Variants in SNX9 observed in about 807,000 individuals in gnomAD.
SNX9 encodes sorting nexin 9.
In SNX9, 44 loss-of-function variants were observed where a neutral mutation model predicts 89.4. The ratio of observed to expected loss-of-function variants is 0.49; its 90% CI spans 0.39 to 0.63. SNX9 has a LOEUF of 0.63. Among genes scored for constraint, SNX9 ranks in the 30% least tolerant of loss-of-function variants. SNX9 has a pLI of 0.00. For missense variants in SNX9, 578 were observed against 736.1 expected (o/e 0.79, Z 2.49); for synonymous variants, 236 against 247.8 (o/e 0.95, Z 0.45).
chr6:157,915,636 A>ATATATATAT (rs1342359338), intron 9 of SNX9, among the ~76,000 whole-genome samples: 16 of 76,578 alleles, frequency 2.1e-4, no homozygotes, highest in African/African-American at 9.1e-4. Context: ...AAAAAAAAAA[A>ATATATATAT]AAAAATATAT....
At chr6:157,846,057 T>C (rs1305043424) in intron 1 of SNX9, among the ~76,000 whole-genome samples, 2 of 152,232 alleles carry the variant, frequency 1.3e-5, no homozygotes, top group Non-Finnish European at 2.9e-5. Flanking sequence ...CGTCCTGCTG[T>C]GCAGGTGTCT....
chr6:157,941,385 C>T (rs956828592), intron 17 of SNX9, among the ~76,000 whole-genome samples: 4 of 152,128 alleles, frequency 2.6e-5, no homozygotes, highest in African/African-American at 4.8e-5. Flanking sequence ...GCAGCCTTTG[C>T]TTTTTGTGAA....
At chr6:157,865,479 C>T (rs907600207) in intron 1 of SNX9, among the ~76,000 whole-genome samples, 11 of 151,978 alleles carry the variant, frequency 7.2e-5, no homozygotes, top group African/African-American at 2.4e-4. Flanking sequence ...CTGGCCTGGG[C>T]GCCCTGCCAT....
In SNX9 at chr6:157,890,067, A is replaced by G. The variant is rs75137982; in HGVS notation, c.301-6760A>G. On this transcript the variant is annotated intron_variant, in intron 4 of 17. Coordinates refer to ENST00000392185, the MANE Select transcript of SNX9 (RefSeq NM_016224.5). ...AACCCAGATAGCAGGCTTTGAGCCTAAGTTCTTAACCACTATCCCCATGTG... is the reference window on the plus strand; with the variant it reads ...AACCCAGATAGCAGGCTTTGAGCCTGAGTTCTTAACCACTATCCCCATGTG... Among the ~76,000 whole-genome samples the G allele has an allele frequency of 1.6e-3, 247 of 152,350 alleles. 5 individuals carry two copies. In the East Asian group the frequency reaches 0.036, roughly 22 times the overall value.
intron 1 of SNX9, among the ~76,000 whole-genome samples, chr6:157,843,186 T>TAGG (rs1447794945): frequency 1.3e-5 from 2 of 152,120 alleles, no homozygotes; most frequent in African/African-American, 2.4e-5. Flanking sequence ...GGAGGATGCT[T>TAGG]AGGACAAGGG....
chr6:157,873,169 A>G lies in SNX9; in HGVS notation c.167A>G (p.Tyr56Cys). Residue 56 changes from tyrosine (Y) to cysteine (C), a missense_variant, in exon 3 of 18, where the codon TAC (tyrosine) becomes TGC (cysteine). Coordinates refer to ENST00000392185, the MANE Select transcript of SNX9 (RefSeq NM_016224.5). Reference protein sequence around the residue: ...KGERGLVPTDYVEILPSDGKD... With the variant: ...KGERGLVPTDCVEILPSDGKD... ...GAACGAGGGCTGGTTCCCACAGACT[A>G]CGTTGAAGTAAGAGCTTCCTGTCAT... The G allele has an allele frequency of 6.3e-7, 1 of 1,590,232 alleles. No individual in the cohort carries two copies. Among genetic ancestry groups the G allele is most frequent in the Non-Finnish European group, 8.6e-7 (1 of 1,167,592 alleles).
chr6:157,855,401 A>T (rs1781989620), intron 1 of SNX9, among the ~76,000 whole-genome samples: 1 of 152,194 alleles, frequency 6.6e-6, no homozygotes. Context: ...CTAGAGGATA[A>T]GTTCCTAGAC....
At chr6:157,897,021 C>G in intron 5 of SNX9, 23 bp downstream of exon 5, 2 of 1,550,690 alleles carry the variant, frequency 1.3e-6, no homozygotes, top group Non-Finnish European at 1.7e-6. Context: ...GTGCAAGGTC[C>G]CACCCTGCCC....
chr6:157,925,504 C>T (rs890520088), intron 10 of SNX9, among the ~76,000 whole-genome samples: 1 of 152,046 alleles, frequency 6.6e-6, no homozygotes, highest in Non-Finnish European at 1.5e-5. Context: ...AATGCAGGCA[C>T]ACAGACACCA....
At chr6:157,876,383 G>A (rs942147905) in intron 4 of SNX9, among the ~76,000 whole-genome samples, 3 of 152,084 alleles carry the variant, frequency 2.0e-5, no homozygotes, top group African/African-American at 7.2e-5. Flanking sequence ...ACTGGGAGGC[G>A]GCCACTGCAG....
Position 157,927,188 on chromosome 6 carries a change from G to A in SNX9, c.1158G>A (p.Glu386=). 2 of 1,613,816 alleles carry A rather than the reference G, an allele frequency of 1.2e-6. No individual in the cohort carries two copies. The highest frequency in any genetic ancestry group is 8.5e-7 in the Non-Finnish European group (1 of 1,179,724). The change falls in exon 11 of 18, where the codon GAG becomes GAA. Residue 386 remains glutamate, a synonymous_variant. Transcript: ENST00000392185. The part of the protein sequence containing the change: ...GVMIFSTMEP[E]APDLDLVEIE... ...TGATATTTTCCACCATGGAACCAGA[G>A]GCACCTGACTTGGACTTAGTAGAAA... is the stretch of plus-strand genomic sequence containing the variant.
chr6:157,871,652 A>G lies in SNX9; in HGVS notation c.100-1450A>G, dbSNP rs545617313. Among the ~76,000 whole-genome samples, 10 of 152,234 alleles carry G rather than the reference A, an allele frequency of 6.6e-5. No individual in the cohort carries two copies. In the South Asian group the frequency reaches 1.7e-3, roughly 25 times the overall value. On this transcript the variant is annotated intron_variant, in intron 2 of 17. Coordinates refer to ENST00000392185, the MANE Select transcript of SNX9 (RefSeq NM_016224.5). ...TGTAACAAACCTGCACGTTGTGCAC[A>G]TGTACCCTAGAACTTAAAGTATAAT...
At chr6:157,885,272 G>A (rs1412828705) in intron 4 of SNX9, 2 of 152,140 alleles carry the variant, frequency 1.3e-5, no homozygotes, top group Admixed American at 6.5e-5. Context: ...AATAGATTGA[G>A]TCTGCTGTGA....
Position 157,823,981 on chromosome 6 carries a change from C to G in SNX9, c.12+535C>G, listed in dbSNP as rs941554485. On this transcript the variant is annotated intron_variant, in intron 1 of 17. Transcript: ENST00000392185. The surrounding 1 kb of genome is among the most constrained non-coding windows in gnomAD (Gnocchi z 4.6). ...GGCCGGGGAGGGACCGAGGCTGGGA[C>G]GCCCCGCGCCCCTTTGCCTTCGCTG... Among the ~76,000 whole-genome samples, 1 of 152,204 alleles carries G rather than the reference C, an allele frequency of 6.6e-6. No individual in the cohort carries two copies. Among genetic ancestry groups the G allele is most frequent in the Non-Finnish European group, 1.5e-5 (1 of 68,032 alleles).
At chr6:157,887,811 A>T (rs1451011630) in intron 4 of SNX9, among the ~76,000 whole-genome samples, 1 of 152,162 alleles carries the variant, frequency 6.6e-6, no homozygotes, top group South Asian at 2.1e-4. Context: ...CTTATTTCAC[A>T]GGAGAGTTGC....
chr6:157,834,347 T>TC (rs1781543162), intron 1 of SNX9, among the ~76,000 whole-genome samples: 1 of 124,096 alleles, frequency 8.1e-6, no homozygotes, highest in South Asian at 2.8e-4. Flanking sequence ...TTTAAAAGAA[T>TC]TTTTTTTTTT....
intron 13 of SNX9, among the ~76,000 whole-genome samples, chr6:157,933,026 T>C (rs7769841): frequency 0.23 from 35,107 of 151,946 alleles, 4,207 homozygotes; most frequent in African/African-American, 0.28. Context: ...GGGATCCCTT[T>C]GTGGTTTACA....
chr6:157,855,992 AC>A (rs1177421932), intron 1 of SNX9, among the ~76,000 whole-genome samples: 1 of 151,684 alleles, frequency 6.6e-6, no homozygotes, highest in Non-Finnish European at 1.5e-5. Context: ...CAGATGATCC[AC>A]CCGCCTCGGC....
chr6:157,862,906 A>G (rs992572125), intron 1 of SNX9, among the ~76,000 whole-genome samples: 1 of 152,134 alleles, frequency 6.6e-6, no homozygotes, highest in Non-Finnish European at 1.5e-5. Flanking sequence ...CAAGATGTGG[A>G]CTGACAGTTT....
Sources: gnomAD v4.1 joint callset for allele counts (sites outside exome capture counted in the v4.1 genomes callset) on GRCh38, gnomAD v4.1.1 for gene constraint, Gnocchi (gnomAD v3.1) non-coding constraint, MANE v1.5 for transcripts, NCBI Gene and HGNC (gene_info 2026-07-23, HGNC 2026-07-21) for gene names.